The following PCDH9 variants were observed in gnomAD, a reference collection of about 807,000 sequenced individuals.
PCDH9 encodes the protein protocadherin-9.
A neutral mutation model predicts 70.6 loss-of-function variants in PCDH9; 24 were observed. The observed-to-expected ratio is 0.34, with a 90% CI of 0.25 to 0.48. The LOEUF (loss-of-function observed/expected upper bound fraction) is 0.48, where lower values mean the gene tolerates loss of function less well. Among genes scored for constraint, PCDH9 ranks in the 20% least tolerant of loss-of-function variants. PCDH9 has a pLI of 0.99. For missense variants in PCDH9, 1,281 were observed against 1,503.6 expected (o/e 0.85, Z 2.45); for synonymous variants, 562 against 558.5 (o/e 1.01, Z -0.09).
intron 4 of PCDH9, among the ~76,000 whole-genome samples, chr13:66,391,033 G>T (rs1398058459): frequency 6.6e-6 from 1 of 152,060 alleles, no homozygotes; most frequent in East Asian, 1.9e-4. Flanking sequence ...AAGCTCAAAT[G>T]ACAGCTTTAA....
At chr13:66,825,889 C>T (rs1473189918) in intron 3 of PCDH9, among the ~76,000 whole-genome samples, 4 of 151,888 alleles carry the variant, frequency 2.6e-5, no homozygotes, top group Admixed American at 6.6e-5. Context: ...AAGGTTATTC[C>T]TAATTTTTTT....
chr13:66,546,158 ACTT>A (rs1050388481), intron 4 of PCDH9, among the ~76,000 whole-genome samples: 5 of 148,910 alleles, frequency 3.4e-5, no homozygotes, highest in Non-Finnish European at 5.9e-5. Flanking sequence ...TTTAAAGTAT[ACTT>A]CTTCTATTTA....
At chr13:66,770,187 TTAAG>T (rs1197575752) in intron 3 of PCDH9, among the ~76,000 whole-genome samples, 1 of 152,070 alleles carries the variant, frequency 6.6e-6, no homozygotes, top group Non-Finnish European at 1.5e-5. Flanking sequence ...CTTATATAAT[TTAAG>T]TAGGCAAATA....
intron 3 of PCDH9, among the ~76,000 whole-genome samples, chr13:66,724,262 G>A (rs538954744): frequency 6.6e-6 from 1 of 152,242 alleles, no homozygotes; most frequent in East Asian, 1.9e-4. Flanking sequence ...CAATATTTAA[G>A]TGAGCTGTGT....
intron 4 of PCDH9, among the ~76,000 whole-genome samples, chr13:66,420,489 A>G (rs1300893861): frequency 6.6e-6 from 1 of 152,216 alleles, no homozygotes; most frequent in East Asian, 1.9e-4. Flanking sequence ...AGGAAGGAGC[A>G]GGCAGCAATC....
chr13:66,570,268 G>A (rs1346687404), intron 4 of PCDH9, among the ~76,000 whole-genome samples: 1 of 152,078 alleles, frequency 6.6e-6, no homozygotes, highest in African/African-American at 2.4e-5. Flanking sequence ...AGGGAAATGT[G>A]GAGAGCAGTG....
chr13:66,364,873 T>C (rs1956528278), intron 4 of PCDH9, among the ~76,000 whole-genome samples: 2 of 152,130 alleles, frequency 1.3e-5, no homozygotes, highest in Non-Finnish European at 2.9e-5. Context: ...CAACTGCCAA[T>C]GCGAACGGCA....
chr13:67,062,837 A>G (rs894037214), intron 2 of PCDH9, among the ~76,000 whole-genome samples: 2 of 152,198 alleles, frequency 1.3e-5, no homozygotes, highest in African/African-American at 4.8e-5. Context: ...AATATGTTTC[A>G]GAAAAATAGG....
intron 2 of PCDH9, among the ~76,000 whole-genome samples, chr13:66,908,916 G>A (rs1024211108): frequency 5.9e-5 from 9 of 151,994 alleles, no homozygotes; most frequent in African/African-American, 1.9e-4. Context: ...TTATATAAAT[G>A]CAATCATATC....
chr13:66,319,927 T>C (rs1955723361), intron 4 of PCDH9, among the ~76,000 whole-genome samples: 2 of 152,242 alleles, frequency 1.3e-5, no homozygotes, highest in Non-Finnish European at 2.9e-5. Flanking sequence ...TGTCATCCTC[T>C]ACCATTAATG....
intron 2 of PCDH9, among the ~76,000 whole-genome samples, chr13:66,920,432 C>T (rs2139641825): frequency 6.6e-6 from 1 of 151,186 alleles, no homozygotes; most frequent in East Asian, 1.9e-4. Flanking sequence ...GTGTATTTTG[C>T]ATGTCCCTAA....
intron 2 of PCDH9, among the ~76,000 whole-genome samples, chr13:67,165,738 T>A (rs1438160690): frequency 1.3e-5 from 2 of 152,220 alleles, no homozygotes; most frequent in East Asian, 1.9e-4. Context: ...AAAAAATGTT[T>A]AACAGTTGTA....
chr13:66,919,599 T>C (rs1206998627), intron 2 of PCDH9, among the ~76,000 whole-genome samples: 1 of 151,206 alleles, frequency 6.6e-6, no homozygotes, highest in African/African-American at 2.4e-5. Flanking sequence ...TATGGCTAAT[T>C]GGAGAAACTG....
chr13:67,080,591 T>A (rs1038211747), intron 2 of PCDH9, among the ~76,000 whole-genome samples: 2 of 152,222 alleles, frequency 1.3e-5, no homozygotes. Flanking sequence ...TAAGGTTCAA[T>A]GTGATGCTGT....
chr13:66,832,632 A>G (rs1282161631), intron 3 of PCDH9, among the ~76,000 whole-genome samples: 1 of 152,138 alleles, frequency 6.6e-6, no homozygotes, highest in African/African-American at 2.4e-5. Flanking sequence ...ATGGGATGAT[A>G]CCATCTGGAT....
At chr13:66,385,893 G>A (rs1371356220) in intron 4 of PCDH9, among the ~76,000 whole-genome samples, 1 of 151,660 alleles carries the variant, frequency 6.6e-6, no homozygotes, top group Non-Finnish European at 1.5e-5. Context: ...AGAAACCATA[G>A]AATGTAAAAG....
intron 1 of PCDH9, among the ~76,000 whole-genome samples, chr13:67,229,566 T>C (rs1413524510): frequency 6.6e-6 from 1 of 152,296 alleles, no homozygotes; most frequent in Middle Eastern, 3.4e-3. Flanking sequence ...GTAGGACTGG[T>C]CAGTTCTCAG....
At chr13:66,590,037 C>A (rs2077018465) in intron 4 of PCDH9, among the ~76,000 whole-genome samples, 1 of 151,908 alleles carries the variant, frequency 6.6e-6, no homozygotes, top group Non-Finnish European at 1.5e-5. Context: ...CAATTGGCTG[C>A]CTTATTGGCC....
intron 2 of PCDH9, among the ~76,000 whole-genome samples, chr13:67,188,223 G>A (rs1265610245): frequency 6.6e-6 from 1 of 152,082 alleles, no homozygotes; most frequent in Non-Finnish European, 1.5e-5. Context: ...TACTGAAATG[G>A]CAAGTCGCTT....
Sources: gnomAD v4.1 joint callset for allele counts (sites outside exome capture counted in the v4.1 genomes callset) on GRCh38, gnomAD v4.1.1 for gene constraint, MANE v1.5 for transcripts, NCBI Gene and HGNC (gene_info 2026-07-23, HGNC 2026-07-21) for gene names.